SDK1: variants seen among roughly 807,000 people sequenced by gnomAD.
SDK1 encodes the protein protein sidekick-1.
SDK1 carries 157 observed loss-of-function variants against 245.5 expected under a neutral mutation model. The observed-to-expected ratio is 0.64, with a 90% CI of 0.56 to 0.73. SDK1 has a LOEUF of 0.73. Among genes scored for constraint, SDK1 ranks in the 30% least tolerant of loss-of-function variants. The pLI, the probability that SDK1 is intolerant of heterozygous loss-of-function variation, is 0.00. For missense variants in SDK1, 3,583 were observed against 3,002.3 expected, an observed-to-expected ratio of 1.19 and a Z score of -4.52; for synonymous variants, 1,647 against 1,278.5, an observed-to-expected ratio of 1.29 and a Z score of -6.15.
chr7:4,145,250 G>A (rs780635006), intron 28 of SDK1, among the ~76,000 whole-genome samples: 14 of 152,182 alleles, frequency 9.2e-5, no homozygotes, highest in Admixed American at 8.5e-4. Flanking sequence ...AGACAGGGAA[G>A]ACAAAGGAGG....
chr7:3,963,875 C>T lies in SDK1; in HGVS notation c.1429+1024C>T, dbSNP rs111953221. On this transcript the variant is annotated intron_variant, in intron 9 of 44. Coordinates refer to ENST00000404826, the MANE Select transcript of SDK1 (RefSeq NM_152744.4). ...GGGTACACCTAAGCTCACGGCTACC[C>T]GGACATATCCAGTGGGTACACCCAG... Among the ~76,000 whole-genome samples the T allele has an allele frequency of 5.8e-3, 778 of 135,204 alleles. 12 individuals are homozygous for T. Among genetic ancestry groups the T allele is most frequent in the African/African-American group, 0.02 (725 of 35,684 alleles). The allele number at this position is 135,204 out of a possible 152,430, so 88.7% of individuals were successfully genotyped here. A position where few individuals can be genotyped will look rare whatever the true frequency, so the allele number is the denominator to read the frequency against.
intron 4 of SDK1, among the ~76,000 whole-genome samples, chr7:3,810,629 A>G (rs773560854): frequency 2.4e-4 from 36 of 152,358 alleles, no homozygotes; most frequent in Non-Finnish European, 4.6e-4. Context: ...AAAATCCCTG[A>G]TGAAATAAAT....
chr7:3,702,784 C>T (rs369371572), intron 4 of SDK1, among the ~76,000 whole-genome samples: 5 of 152,282 alleles, frequency 3.3e-5, no homozygotes, highest in African/African-American at 1.2e-4. Context: ...CATTTTTACT[C>T]ATGGTACTCC....
At chr7:3,444,462 G>A (rs1780288187) in intron 1 of SDK1, among the ~76,000 whole-genome samples, 1 of 152,152 alleles carries the variant, frequency 6.6e-6, no homozygotes, top group African/African-American at 2.4e-5. Context: ...GTGATTTCAT[G>A]ATACAATTAT....
chr7:3,378,994 T>C (rs762423861), intron 1 of SDK1, among the ~76,000 whole-genome samples: 3 of 152,130 alleles, frequency 2.0e-5, no homozygotes, highest in Non-Finnish European at 4.4e-5. Flanking sequence ...CTCTTCCAGC[T>C]TCTCGTTAAT....
intron 4 of SDK1, among the ~76,000 whole-genome samples, chr7:3,701,715 A>G (rs779270875): frequency 2.0e-5 from 3 of 152,210 alleles, no homozygotes; most frequent in African/African-American, 2.4e-5. Flanking sequence ...ACTCTATTCA[A>G]TCTGAATTCT....
chr7:4,049,318 C>T (rs1435390537), intron 17 of SDK1, 30 bp from the exon 18 acceptor site: 3 of 1,561,316 alleles, frequency 1.9e-6, no homozygotes, highest in Admixed American at 3.3e-5. Context: ...GCCATTTGTT[C>T]TGCTGTCATC....
chr7:4,132,121 G>T (rs1464558204), intron 27 of SDK1, among the ~76,000 whole-genome samples: 1 of 152,176 alleles, frequency 6.6e-6, no homozygotes, highest in East Asian at 1.9e-4. Flanking sequence ...TTAAAGGGAA[G>T]TGTTTGCTCA....
intron 1 of SDK1, among the ~76,000 whole-genome samples, chr7:3,582,659 T>A (rs1238095662): frequency 8.6e-6 from 1 of 116,470 alleles, no homozygotes; most frequent in East Asian, 2.4e-4. Context: ...AACCTGCACA[T>A]GTAGCCCTGA....
At chr7:4,048,745 C>T (rs1789212804) in intron 17 of SDK1, among the ~76,000 whole-genome samples, 1 of 152,218 alleles carries the variant, frequency 6.6e-6, no homozygotes, top group South Asian at 2.1e-4. Flanking sequence ...CTAGAAAGGG[C>T]ATGCCCTGAA....
At chr7:4,105,797 C>G (rs1472181719) in intron 22 of SDK1, among the ~76,000 whole-genome samples, 2 of 152,072 alleles carry the variant, frequency 1.3e-5, no homozygotes, top group African/African-American at 2.4e-5. Context: ...AAGGAGTCAG[C>G]CAGTTGCAGA....
At chr7:3,883,014 CTCA>C (rs1781244898) in intron 5 of SDK1, among the ~76,000 whole-genome samples, 1 of 152,148 alleles carries the variant, frequency 6.6e-6, no homozygotes, top group African/African-American at 2.4e-5. Flanking sequence ...AGATGTGATC[CTCA>C]TAAGAAATTG....
intron 1 of SDK1, among the ~76,000 whole-genome samples, chr7:3,544,773 A>T (rs151322067): frequency 6.6e-6 from 1 of 152,296 alleles, no homozygotes; most frequent in East Asian, 1.9e-4. Flanking sequence ...AAGAAATCTC[A>T]GTGGCTTAAA....
chr7:4,153,835 C>T (rs1780549442), intron 30 of SDK1, among the ~76,000 whole-genome samples: 1 of 136,614 alleles, frequency 7.3e-6, no homozygotes. Context: ...TGCTATCGTG[C>T]CTGGCTAATG....
At chr7:4,149,224 C>T (rs1362400542) in intron 29 of SDK1, 38 bp from the exon 30 acceptor site, 8 of 1,443,274 alleles carry the variant, frequency 5.5e-6, no homozygotes, top group Middle Eastern at 2.5e-4. Context: ...GAAGGGCAGC[C>T]TCTCACATGT....
intron 4 of SDK1, among the ~76,000 whole-genome samples, chr7:3,666,893 T>C (rs1330216312): frequency 6.6e-6 from 1 of 152,166 alleles, no homozygotes; most frequent in Non-Finnish European, 1.5e-5. Flanking sequence ...CTGCTATCCG[T>C]CACAAGAGGT....
At chr7:3,982,637 G>A (rs554987830) in intron 13 of SDK1, among the ~76,000 whole-genome samples, 6 of 152,084 alleles carry the variant, frequency 3.9e-5, no homozygotes, top group African/African-American at 1.2e-4. Flanking sequence ...TCAGGAGATC[G>A]AGACCATCCT....
At chr7:3,862,513 G>T (rs1780718750) in intron 5 of SDK1, among the ~76,000 whole-genome samples, 4 of 152,160 alleles carry the variant, frequency 2.6e-5, no homozygotes, top group Admixed American at 6.5e-5. Flanking sequence ...AGACTTTAAT[G>T]TTTATGCATC....
intron 30 of SDK1, among the ~76,000 whole-genome samples, chr7:4,155,933 A>G (rs1405695224): frequency 6.6e-6 from 1 of 152,172 alleles, no homozygotes; most frequent in Non-Finnish European, 1.5e-5. Flanking sequence ...GGAACAGGGC[A>G]CGGGGGACAG....
Sources: allele counts gnomAD v4.1 joint callset (sites outside exome capture counted in the v4.1 genomes callset), GRCh38; gene constraint gnomAD v4.1.1; transcripts MANE v1.5; gene names NCBI Gene and HGNC (gene_info 2026-07-23, HGNC 2026-07-21).